The following CDC27 variants were observed in gnomAD, a reference collection of about 807,000 sequenced individuals.
CDC27 encodes cell division cycle 27.
CDC27 carries 27 observed loss-of-function variants against 109.7 expected under a neutral mutation model. The observed-to-expected ratio is 0.25, with a 90% CI of 0.18 to 0.34. The LOEUF is 0.34. CDC27 is among the 10% of genes least tolerant of loss of function. CDC27 has a pLI of 1.00. For missense variants in CDC27, 579 were observed against 960.2 expected, an observed-to-expected ratio of 0.60 and a Z score of 5.25; for synonymous variants, 266 against 333.9, an observed-to-expected ratio of 0.80 and a Z score of 2.22.
At chr17:47,150,303 C>A (rs1770237630) in intron 9 of CDC27, among the ~76,000 whole-genome samples, 1 of 152,216 alleles carries the variant, frequency 6.6e-6, no homozygotes, top group Non-Finnish European at 1.5e-5. Flanking sequence ...AGCCCCAGTA[C>A]ATGTCAATGT....
At chr17:47,160,428 G>A (rs1487036779) in intron 4 of CDC27, among the ~76,000 whole-genome samples, 1 of 152,022 alleles carries the variant, frequency 6.6e-6, no homozygotes, top group Non-Finnish European at 1.5e-5. Context: ...GTTTCACCAG[G>A]TTGGCCAGGC....
At chr17:47,169,328 T>G (rs1031354500) in intron 4 of CDC27, among the ~76,000 whole-genome samples, 2 of 152,090 alleles carry the variant, frequency 1.3e-5, no homozygotes, top group African/African-American at 2.4e-5. Context: ...CACATAAAGA[T>G]ACTCTTTTCA....
At chr17:47,166,084 T>C (rs1567699666) in intron 4 of CDC27, among the ~76,000 whole-genome samples, 3 of 152,184 alleles carry the variant, frequency 2.0e-5, no homozygotes, top group Non-Finnish European at 4.4e-5. Context: ...TACATCTGAT[T>C]TCCTAATTTT....
chr17:47,162,317 T>G (rs754759178), intron 4 of CDC27, among the ~76,000 whole-genome samples: 1 of 152,244 alleles, frequency 6.6e-6, no homozygotes, highest in African/African-American at 2.4e-5. Flanking sequence ...TCCTAATTAA[T>G]GTCTTGCCTC....
chr17:47,134,469 T>C (rs975917928), intron 14 of CDC27, among the ~76,000 whole-genome samples: 2 of 151,480 alleles, frequency 1.3e-5, no homozygotes, highest in Non-Finnish European at 2.9e-5. Flanking sequence ...CCACCATGCC[T>C]AATTGTTTTT....
intron 4 of CDC27, chr17:47,159,471 C>A: frequency 1.7e-6 from 1 of 600,004 alleles, no homozygotes; most frequent in Admixed American, 3.2e-5. Context: ...GATGCCCGTG[C>A]TCCTGGGGGT....
At chr17:47,158,136 A>C in intron 5 of CDC27, 70 bp downstream of exon 5, 1 of 591,116 alleles carries the variant, frequency 1.7e-6, no homozygotes, top group Non-Finnish European at 2.9e-6. Context: ...ATTGCTCTCC[A>C]AAAATTAAGT....
intron 2 of CDC27, among the ~76,000 whole-genome samples, chr17:47,181,125 C>T (rs1029128591): frequency 1.9e-4 from 29 of 149,094 alleles, no homozygotes; most frequent in African/African-American, 6.6e-4. Context: ...CGTGGTGGTC[C>T]GTGCCTGCGG....
At chr17:47,173,812 G>T (rs1270969318) in intron 2 of CDC27, among the ~76,000 whole-genome samples, 1 of 152,212 alleles carries the variant, frequency 6.6e-6, no homozygotes, top group Non-Finnish European at 1.5e-5. Context: ...AATGAAACTG[G>T]CCAGGCGTGG....
At chr17:47,121,741 C>CTT (rs35570204) in intron 18 of CDC27, among the ~76,000 whole-genome samples, 1 of 144,860 alleles carries the variant, frequency 6.9e-6, no homozygotes, top group Non-Finnish European at 1.5e-5. Flanking sequence ...CATATATATA[C>CTT]TTTTTTTTTT....
intron 3 of CDC27, 148 bp from the exon 4 acceptor site, chr17:47,170,190 C>G: frequency 2.0e-6 from 1 of 509,566 alleles, no homozygotes; most frequent in Non-Finnish European, 3.4e-6. Context: ...CTTCATCCCT[C>G]CCTCTCTCTG....
chr17:47,145,834 T>C (rs1242126440), intron 9 of CDC27, among the ~76,000 whole-genome samples: 1 of 151,224 alleles, frequency 6.6e-6, no homozygotes, highest in Non-Finnish European at 1.5e-5. Flanking sequence ...GAGGTGGAGG[T>C]TGCAGTGAGC....
intron 13 of CDC27, among the ~76,000 whole-genome samples, chr17:47,138,050 C>T (rs1030362758): frequency 2.6e-5 from 4 of 152,152 alleles, no homozygotes; most frequent in African/African-American, 7.2e-5. Context: ...ATCCGCCTGC[C>T]TCAGCCTCCC....
In CDC27 at chr17:47,143,927, G is replaced by A; in HGVS notation, c.1126C>T (p.Arg376Ter). 1 of 1,497,740 alleles carries A rather than the reference G, an allele frequency of 6.7e-7. No individual in the cohort carries two copies. Among genetic ancestry groups the A allele is most frequent in the Non-Finnish European group, 9.0e-7 (1 of 1,116,668 alleles). 92.8% of individuals were successfully genotyped at this position (1,497,740 alleles called of 1,614,324 possible). ...TITSPPNALP[R>*]RSSRLFTSDS... is the part of the protein sequence containing the mutation. ...CTAGTAAAGAGTCGTGAACTTCTTC[G>A]AGGCAGTGCGTTTGGGGGAGATGTA... Residue 376 changes from arginine to a stop codon, truncating the protein, a stop_gained, in exon 10 of 19, where the codon CGA (arginine) becomes TGA (stop). Transcript: ENST00000066544. LOFTEE classifies it high-confidence loss of function.
rs2064243823 is a variant in CDC27, at chr17:47,181,631, T to C, written c.34A>G (p.Ile12Val). 1.3e-6 allele frequency: 2 copies of C among 1,598,140 alleles called. No individual in the cohort carries two copies. The highest frequency in any genetic ancestry group is 2.2e-5 in the East Asian group (1 of 44,774). The stretch of plus-strand genomic sequence containing the variant: ...GCATAGTGGTTTAGTGCTTGCCATA[T>C]AGCAGCCTGCAAATGGAGGAAAAAG... The part of the protein sequence containing the change: ...TVLQEPVQAA[I>V]WQALNHYAYR... Residue 12 changes from isoleucine (I) to valine (V), a missense_variant, in exon 2 of 19, where the codon ATA becomes GTA. Coordinates refer to ENST00000066544, the MANE Select transcript of CDC27 (RefSeq NM_001256.6).
At chr17:47,188,259 C>A (rs142449611) in intron 1 of CDC27, among the ~76,000 whole-genome samples, 1 of 152,246 alleles carries the variant, frequency 6.6e-6, no homozygotes, top group Non-Finnish European at 1.5e-5. Context: ...TCTCCCAGAC[C>A]TGGTCCATTA....
intron 18 of CDC27, 129 bp downstream of exon 18, chr17:47,122,315 A>G (rs1481186119): frequency 3.5e-6 from 2 of 572,862 alleles, no homozygotes; most frequent in Non-Finnish European, 5.8e-6. Context: ...ACCCTGTTCA[A>G]TTTCCCTAAA....
chr17:47,169,516 G>C (rs1278068772), intron 4 of CDC27, among the ~76,000 whole-genome samples: 1 of 151,712 alleles, frequency 6.6e-6, no homozygotes, highest in Non-Finnish European at 1.5e-5. Context: ...GTGGTGTCGG[G>C]CACCTGAAAT....
intron 16 of CDC27, among the ~76,000 whole-genome samples, chr17:47,124,269 A>G (rs1234398520): frequency 1.3e-5 from 2 of 150,354 alleles, no homozygotes; most frequent in Non-Finnish European, 3.0e-5. Flanking sequence ...CTATCTATCT[A>G]TCTATCTATC....
Sources: allele counts gnomAD v4.1 joint callset (sites outside exome capture counted in the v4.1 genomes callset), GRCh38; gene constraint gnomAD v4.1.1; transcripts MANE v1.5; gene names NCBI Gene and HGNC (gene_info 2026-07-23, HGNC 2026-07-21).